Variants in CFAP299 observed in about 807,000 individuals in gnomAD.
CFAP299 encodes the protein cilia and flagella associated protein 299.
CFAP299 carries 21 observed loss-of-function variants against 27.0 expected under a neutral mutation model. The observed-to-expected ratio is 0.78, with a 90% confidence interval of 0.55 to 1.12. CFAP299 has a LOEUF of 1.12. Ranked by LOEUF, CFAP299 falls within the 50% of genes most tolerant of loss-of-function variation. CFAP299 has a pLI of 0.00. For synonymous variants in CFAP299, 104 were observed against 98.1 expected (o/e 1.06, Z -0.36); for missense variants, 310 against 276.6 (o/e 1.12, Z -0.86).
intron 3 of CFAP299, among the ~76,000 whole-genome samples, chr4:80,690,112 C>T (rs1263740589): frequency 6.7e-6 from 1 of 149,230 alleles, no homozygotes; most frequent in African/African-American, 2.6e-5. Context: ...TAACACCCCA[C>T]TGTCAACATT....
At chr4:80,629,650 T>C (rs1264879159) in intron 3 of CFAP299, among the ~76,000 whole-genome samples, 2 of 151,928 alleles carry the variant, frequency 1.3e-5, no homozygotes, top group East Asian at 3.9e-4. Flanking sequence ...GAGGCCGAGA[T>C]GGGCGGATCA....
chr4:80,492,087 C>A (rs892072896), intron 2 of CFAP299, among the ~76,000 whole-genome samples: 7 of 152,286 alleles, frequency 4.6e-5, no homozygotes, highest in African/African-American at 1.7e-4. Context: ...ACAAACTCAA[C>A]CAATTGTCAA....
At chr4:80,943,429 C>A (rs1737296867) in intron 4 of CFAP299, among the ~76,000 whole-genome samples, 1 of 151,966 alleles carries the variant, frequency 6.6e-6, no homozygotes, top group African/African-American at 2.4e-5. Context: ...AACAATGAAA[C>A]TTTCTATTTT....
intron 2 of CFAP299, among the ~76,000 whole-genome samples, chr4:80,560,821 A>G (rs1441094592): frequency 6.6e-6 from 1 of 152,112 alleles, no homozygotes; most frequent in East Asian, 1.9e-4. Flanking sequence ...GTAGAATTCT[A>G]GGCTTTTTCA....
At chr4:80,519,915 TGGA>T (rs1732817354) in intron 2 of CFAP299, among the ~76,000 whole-genome samples, 1 of 152,180 alleles carries the variant, frequency 6.6e-6, no homozygotes, top group Non-Finnish European at 1.5e-5. Context: ...CAGTCTCATT[TGGA>T]GCTCTGAACA....
chr4:80,697,950 GAATT>G (rs1721215588), intron 3 of CFAP299, among the ~76,000 whole-genome samples: 1 of 152,122 alleles, frequency 6.6e-6, no homozygotes, highest in African/African-American at 2.4e-5. Flanking sequence ...ATCAAACCAA[GAATT>G]AATCAATCAA....
intron 3 of CFAP299, among the ~76,000 whole-genome samples, chr4:80,755,883 T>A (rs1209291175): frequency 1.3e-5 from 2 of 152,146 alleles, no homozygotes; most frequent in African/African-American, 4.8e-5. Flanking sequence ...CCTACTATCC[T>A]GCCCTGAGTT....
intron 3 of CFAP299, among the ~76,000 whole-genome samples, chr4:80,752,402 T>TTA (rs530135399): frequency 0.017 from 2,479 of 145,010 alleles, 59 homozygotes; most frequent in African/African-American, 0.057. Flanking sequence ...ATATATATAT[T>TTA]TATATATATA....
Position 80,898,771 on chromosome 4 carries a change from G to A in CFAP299, c.476+28636G>A, listed in dbSNP as rs140491763. Among the ~76,000 whole-genome samples the A allele has an allele frequency of 6.1e-3, 929 of 152,152 alleles. 10 individuals carry two copies. Among genetic ancestry groups the A allele is most frequent in the African/African-American group, 0.021 (881 of 41,498 alleles). The stretch of plus-strand genomic sequence containing the variant: ...GTGGGTATGGAGCAAAACAATCCAT[G>A]GACTATGATGATAGTGATGAGTAAA... On this transcript the variant is annotated intron_variant, in intron 4 of 5. Coordinates refer to ENST00000358105, the MANE Select transcript of CFAP299 (RefSeq NM_152770.3).
At chr4:80,630,847 T>C (rs1279407361) in intron 3 of CFAP299, among the ~76,000 whole-genome samples, 2 of 152,064 alleles carry the variant, frequency 1.3e-5, no homozygotes, top group East Asian at 3.8e-4. Context: ...TTCTTACACA[T>C]ACATACTTAA....
chr4:80,738,662 CT>C (rs35802332), intron 3 of CFAP299, among the ~76,000 whole-genome samples: 1,497 of 141,386 alleles, frequency 0.011, 8 homozygotes, highest in Middle Eastern at 0.029. Context: ...ATCATTGGGT[CT>C]TTTTTTTTTT....
chr4:80,564,047 C>G (rs753239339), intron 2 of CFAP299, among the ~76,000 whole-genome samples: 5 of 151,900 alleles, frequency 3.3e-5, no homozygotes, highest in Non-Finnish European at 7.4e-5. Context: ...TAAAAAATCT[C>G]CTAGTAAAGA....
intron 4 of CFAP299, among the ~76,000 whole-genome samples, chr4:80,933,385 G>C (rs953930909): frequency 4.6e-5 from 7 of 152,074 alleles, no homozygotes; most frequent in Non-Finnish European, 8.8e-5. Flanking sequence ...ATATAAGTGA[G>C]ATCAAACAGT....
intron 3 of CFAP299, among the ~76,000 whole-genome samples, chr4:80,730,296 GTGTA>G (rs1723442752): frequency 6.9e-6 from 1 of 145,350 alleles, no homozygotes; most frequent in Non-Finnish European, 1.5e-5. Context: ...GTGTGTGTGT[GTGTA>G]TGACCTGACC....
chr4:80,859,035 G>A (rs1218238032), intron 3 of CFAP299, among the ~76,000 whole-genome samples: 1 of 152,152 alleles, frequency 6.6e-6, no homozygotes, highest in Admixed American at 6.5e-5. Context: ...TTATTAATGT[G>A]TGGGAGTCTA....
chr4:80,689,585 A>T (rs1445107736), intron 3 of CFAP299, among the ~76,000 whole-genome samples: 1 of 152,222 alleles, frequency 6.6e-6, no homozygotes, highest in Non-Finnish European at 1.5e-5. Context: ...CCGATGCAAA[A>T]TCATGCCAAA....
chr4:80,845,307 AG>A (rs1350114018), intron 3 of CFAP299, among the ~76,000 whole-genome samples: 1 of 151,046 alleles, frequency 6.6e-6, no homozygotes, highest in East Asian at 1.9e-4. Flanking sequence ...AGACCGTTCA[AG>A]TTTTTCAGTG....
chr4:80,518,072 C>T (rs1381808269), intron 2 of CFAP299, among the ~76,000 whole-genome samples: 3 of 151,856 alleles, frequency 2.0e-5, no homozygotes, highest in Non-Finnish European at 4.4e-5. Flanking sequence ...GGGGTATGGA[C>T]ATGTGAGTTG....
At chr4:80,702,621 AC>A (rs1292032057) in intron 3 of CFAP299, among the ~76,000 whole-genome samples, 2 of 151,828 alleles carry the variant, frequency 1.3e-5, no homozygotes, top group African/African-American at 4.8e-5. Flanking sequence ...TTTATTGAAT[AC>A]TTTTTCCTGG....
Sources: allele counts gnomAD v4.1 joint callset (sites outside exome capture counted in the v4.1 genomes callset), GRCh38; gene constraint gnomAD v4.1.1; transcripts MANE v1.5; gene names NCBI Gene and HGNC (gene_info 2026-07-23, HGNC 2026-07-21).